Variants in SCN9A observed in about 807,000 individuals in gnomAD.
SCN9A encodes the protein sodium channel protein type 9 subunit alpha.
A neutral mutation model predicts 187.0 loss-of-function variants in SCN9A; 131 were observed. The ratio of observed to expected loss-of-function variants is 0.70; its 90% confidence interval spans 0.61 to 0.81. SCN9A has a LOEUF of 0.81. Ranked by LOEUF, SCN9A falls within the 30% of genes least tolerant of loss-of-function variation. SCN9A has a pLI of 0.00. For missense variants in SCN9A, 2,252 were observed against 2,396.6 expected (o/e 0.94, Z 1.26); for synonymous variants, 809 against 808.6 (o/e 1.00, Z -0.01).
chr2:166,232,506 T>A (rs1418854363), intron 21 of SCN9A, among the ~76,000 whole-genome samples: 1 of 152,120 alleles, frequency 6.6e-6, no homozygotes, highest in African/African-American at 2.4e-5. Context: ...CAAATATTAT[T>A]TGAACACCTG....
intron 1 of SCN9A, among the ~76,000 whole-genome samples, chr2:166,341,346 T>C (rs1005507615): frequency 6.6e-6 from 1 of 152,186 alleles, no homozygotes; most frequent in Non-Finnish European, 1.5e-5. Flanking sequence ...AAGGTGACAT[T>C]GAGATTTACA....
At chr2:166,238,486 A>G (rs1178181711) in intron 19 of SCN9A, among the ~76,000 whole-genome samples, 1 of 152,190 alleles carries the variant, frequency 6.6e-6, no homozygotes, top group Non-Finnish European at 1.5e-5. Flanking sequence ...GAGAAAGTGC[A>G]AAAGAATGAA....
chr2:166,287,470 AT>A lies in SCN9A; in HGVS notation c.1315-848del, dbSNP rs1472481489. ...TCATAATTTTCTTAGTTATTTTCTA[AT>A]TTTCCAAAATTTAAATTTTTTCTGA... On this transcript the variant is annotated intron_variant, in intron 10 of 26. Coordinates refer to ENST00000642356, the MANE Select transcript of SCN9A (RefSeq NM_001365536.1). Among the ~76,000 whole-genome samples the A allele has an allele frequency of 5.3e-5, 8 of 152,150 alleles. No homozygotes were observed. In the East Asian group the frequency reaches 1.3e-3, roughly 26 times the overall value.
At chr2:166,224,530 G>A (rs866949522) in intron 24 of SCN9A, among the ~76,000 whole-genome samples, 4 of 152,064 alleles carry the variant, frequency 2.6e-5, no homozygotes, top group African/African-American at 9.7e-5. Context: ...TTTTGTATAG[G>A]TGGTACCACA....
At chr2:166,285,366 C>T (rs1253972171) in intron 11 of SCN9A, among the ~76,000 whole-genome samples, 1 of 152,142 alleles carries the variant, frequency 6.6e-6, no homozygotes, top group Non-Finnish European at 1.5e-5. Context: ...AGGAAAAATT[C>T]AATTCATGCT....
At chr2:166,280,751 T>C (rs13007020) in intron 13 of SCN9A, among the ~76,000 whole-genome samples, 156 bp from the exon 14 acceptor site, 16,647 of 152,212 alleles carry the variant, frequency 0.11, 1,066 homozygotes, top group Admixed American at 0.18. Context: ...TAGCCTCTTA[T>C]GTAAGTCTAT....
At chr2:166,271,364 G>T (rs371636669) in intron 17 of SCN9A, among the ~76,000 whole-genome samples, 3 of 152,206 alleles carry the variant, frequency 2.0e-5, no homozygotes, top group East Asian at 3.9e-4. Flanking sequence ...CAATTTAATA[G>T]ATGATAAATA....
chr2:166,272,896 G>T (rs766457868), intron 16 of SCN9A, 21 bp from the exon 17 acceptor site: 1 of 1,179,222 alleles, frequency 8.5e-7, no homozygotes, highest in Non-Finnish European at 1.1e-6. Flanking sequence ...GTGGGGAGAG[G>T]GGGTAGAGAA....
chr2:166,356,495 TC>T (rs1438230098), intron 1 of SCN9A, among the ~76,000 whole-genome samples: 1 of 152,100 alleles, frequency 6.6e-6, no homozygotes, highest in African/African-American at 2.4e-5. Context: ...TCCCATTTTT[TC>T]CCCATAAATA....
Position 166,300,341 on chromosome 2 carries a change from T to C in SCN9A, c.901+2749A>G, listed in dbSNP as rs190880571. The stretch of plus-strand genomic sequence containing the variant: ...CCTTTGCCCATGCTATTTCTCCTAA[T>C]TGAAGCAGCACCCCCCACACATAGA... On this transcript the variant is annotated intron_variant, in intron 7 of 26. Coordinates refer to ENST00000642356, the MANE Select transcript of SCN9A (RefSeq NM_001365536.1). 6.8e-4 allele frequency among the ~76,000 whole-genome samples: 102 copies of C among 150,770 alleles called. 4 individuals carry two copies. The highest frequency in any genetic ancestry group is 2.3e-3 in the African/African-American group (93 of 40,140).
At chr2:166,236,971 T>C (rs1695345287) in intron 20 of SCN9A, among the ~76,000 whole-genome samples, 1 of 152,136 alleles carries the variant, frequency 6.6e-6, no homozygotes, top group Non-Finnish European at 1.5e-5. Flanking sequence ...TCTAATTATG[T>C]CAGGCATCAT....
At chr2:166,265,268 G>C (rs573313761) in intron 17 of SCN9A, among the ~76,000 whole-genome samples, 1 of 151,786 alleles carries the variant, frequency 6.6e-6, no homozygotes, top group Non-Finnish European at 1.5e-5. Flanking sequence ...CTACTTCTAT[G>C]ACAACCCTTT....
intron 18 of SCN9A, among the ~76,000 whole-genome samples, chr2:166,250,581 C>T (rs1368417411): frequency 2.0e-5 from 3 of 152,044 alleles, no homozygotes; most frequent in African/African-American, 7.2e-5. Flanking sequence ...TATTACATTG[C>T]AGCCCTACTC....
intron 17 of SCN9A, 25 bp from the exon 18 acceptor site, chr2:166,251,910 C>T (rs770559687): frequency 2.5e-6 from 4 of 1,610,780 alleles, no homozygotes; most frequent in Middle Eastern, 1.7e-4. Context: ...ACCACCCCAC[C>T]AGGTAGTTCA....
chr2:166,328,384 T>C (rs922878659), intron 1 of SCN9A, among the ~76,000 whole-genome samples: 13 of 152,120 alleles, frequency 8.5e-5, no homozygotes, highest in Admixed American at 3.3e-4. Flanking sequence ...TCATTGGTTA[T>C]TTTTCCTGAT....
chr2:166,232,086 G>A (rs1695110443), intron 21 of SCN9A, among the ~76,000 whole-genome samples: 1 of 152,088 alleles, frequency 6.6e-6, no homozygotes, highest in Non-Finnish European at 1.5e-5. Context: ...GTCGGGACAG[G>A]GCAGGGGAAG....
In SCN9A at chr2:166,228,851, T is replaced by A. The variant is rs1694962515; in HGVS notation, c.4046A>T (p.Glu1349Val). 1 of 1,613,912 alleles carries A rather than the reference T, an allele frequency of 6.2e-7. No individual in the cohort carries two copies. The part of the protein sequence containing the change: ...GVNLFAGKFY[E>V]CINTTDGSRF... ...TGACCCATCTGTGGTGTTAATACAC[T>A]CATAGAACTTGCCAGCAAACAAATT... Residue 1349 changes from glutamate to valine, a missense_variant, in exon 22 of 27, where the codon GAG becomes GTG. Glu to Val is a moderately radical substitution (Grantham distance 121). Transcript: ENST00000642356.
In SCN9A at chr2:166,281,724, G is replaced by T. The variant is rs139501019; in HGVS notation, c.2059C>A (p.Gln687Lys). 1.9e-6 allele frequency: 3 copies of T among 1,613,208 alleles called. No homozygotes were observed. The highest frequency in any genetic ancestry group is 2.2e-5 in the East Asian group (1 of 44,800). ...EDMLNDPNLR[Q>K]RAMSRASILT... Reference sequence around the variant, plus strand: ...ATGCTTGCTCTACTCATTGCTCTCTGTCTGAGGTTGGGATCATTCAGCATA... The same window carrying T: ...ATGCTTGCTCTACTCATTGCTCTCTTTCTGAGGTTGGGATCATTCAGCATA... Residue 687 changes from glutamine to lysine, a missense_variant, in exon 13 of 27, where the codon CAG becomes AAG. Physicochemically the swap from Gln to Lys is moderately conservative, Grantham distance 53 (BLOSUM62 1). Around this residue, in one of 7 missense-constraint regions of SCN9A, gnomAD observed 1,013 missense variants for 997.4 expected, o/e 1.02. Coordinates refer to ENST00000642356, the MANE Select transcript of SCN9A (RefSeq NM_001365536.1).
chr2:166,322,662 A>G (rs1431516780), intron 1 of SCN9A, among the ~76,000 whole-genome samples: 1 of 152,134 alleles, frequency 6.6e-6, no homozygotes, highest in African/African-American at 2.4e-5. Context: ...ATGCTTCCAT[A>G]ATTAAAATAT....
Sources: gnomAD v4.1 joint callset for allele counts (sites outside exome capture counted in the v4.1 genomes callset) on GRCh38, gnomAD v4.1.1 for gene constraint, gnomAD v4.1.1 regional missense constraint, MANE v1.5 for transcripts, NCBI Gene and HGNC (gene_info 2026-07-23, HGNC 2026-07-21) for gene names.